MAP4K3: variants seen among roughly 807,000 people sequenced by gnomAD.
MAP4K3 encodes the protein MAPK/ERK kinase kinase kinase 3.
A neutral mutation model predicts 143.5 loss-of-function variants in MAP4K3; 94 were observed. The ratio of observed to expected loss-of-function variants is 0.65; its 90% confidence interval spans 0.55 to 0.78. The LOEUF is 0.78. MAP4K3 is among the 30% of genes least tolerant of loss of function. MAP4K3 has a pLI of 0.00. For missense variants in MAP4K3, 1,077 were observed against 1,068.1 expected (o/e 1.01, Z -0.12); for synonymous variants, 416 against 347.2 (o/e 1.20, Z -2.20).
At chr2:39,362,601 T>C (rs577966764) in intron 2 of MAP4K3, among the ~76,000 whole-genome samples, 4 of 152,200 alleles carry the variant, frequency 2.6e-5, no homozygotes, top group South Asian at 2.1e-4. Flanking sequence ...TGAAAGAGCA[T>C]TGTTAAAATG....
rs1268144363 is a variant in MAP4K3 at position 39,262,897 on chromosome 2, G to A, written c.2137-2120C>T. Among the ~76,000 whole-genome samples the A allele has an allele frequency of 5.3e-5, 8 of 152,184 alleles. No homozygotes were observed. The East Asian group carries it at 1.4e-3, about 26-fold the overall frequency. The stretch of plus-strand genomic sequence containing the variant: ...ACGCGGGTGGATCACCTGAGGTCAG[G>A]AGTTCGAGACCAGCCTAGCCAAGAT... On this transcript the variant is annotated intron_variant, in intron 28 of 33. Coordinates refer to ENST00000263881, the MANE Select transcript of MAP4K3 (RefSeq NM_003618.4).
chr2:39,335,929 C>T (rs1050932232), intron 6 of MAP4K3, among the ~76,000 whole-genome samples: 5 of 151,786 alleles, frequency 3.3e-5, no homozygotes. Flanking sequence ...CAGCCTCTAT[C>T]CTCAAAAAAG....
intron 1 of MAP4K3, chr2:39,436,533 C>T: frequency 4.1e-6 from 1 of 246,322 alleles, no homozygotes; most frequent in East Asian, 1.4e-4. Flanking sequence ...CAGACCCCTG[C>T]TGTCCGGTTC....
At chr2:39,416,694 T>C (rs1290765515) in intron 1 of MAP4K3, among the ~76,000 whole-genome samples, 1 of 152,232 alleles carries the variant, frequency 6.6e-6, no homozygotes, top group Non-Finnish European at 1.5e-5. Flanking sequence ...CCCTCTCATA[T>C]CCAGAAGGGT....
intron 13 of MAP4K3, among the ~76,000 whole-genome samples, chr2:39,314,314 G>A (rs1328612765): frequency 6.6e-6 from 1 of 152,188 alleles, no homozygotes; most frequent in East Asian, 1.9e-4. Context: ...ACAAGCATGA[G>A]CCACTGTACC....
intron 8 of MAP4K3, among the ~76,000 whole-genome samples, chr2:39,330,686 A>G (rs1683654046): frequency 6.6e-6 from 1 of 152,152 alleles, no homozygotes; most frequent in Non-Finnish European, 1.5e-5. Flanking sequence ...AAAAATCAGC[A>G]CTGACAGATA....
intron 32 of MAP4K3, among the ~76,000 whole-genome samples, chr2:39,252,128 G>C (rs1010195540): frequency 2.0e-5 from 3 of 152,278 alleles, no homozygotes; most frequent in Admixed American, 2.0e-4. Flanking sequence ...TAAATCATAA[G>C]ACTTCAAGGG....
At chr2:39,311,197 C>G (rs1241632088) in intron 13 of MAP4K3, among the ~76,000 whole-genome samples, 1 of 152,168 alleles carries the variant, frequency 6.6e-6, no homozygotes, top group African/African-American at 2.4e-5. Context: ...CGTGCCTCGA[C>G]CTCCTGAGTA....
intron 26 of MAP4K3, among the ~76,000 whole-genome samples, chr2:39,270,243 A>C (rs767070945): frequency 2.0e-5 from 3 of 152,354 alleles, no homozygotes; most frequent in Admixed American, 6.5e-5. Flanking sequence ...ACTTTTCAAA[A>C]TAAGAGTTGT....
chr2:39,395,282 T>C (rs955235229), intron 1 of MAP4K3, among the ~76,000 whole-genome samples: 2 of 151,758 alleles, frequency 1.3e-5, no homozygotes, highest in African/African-American at 4.8e-5. Flanking sequence ...TCTAAGCAAG[T>C]ACATAAAAAG....
At chr2:39,343,226 C>A (rs538772859) in intron 4 of MAP4K3, among the ~76,000 whole-genome samples, 162 bp downstream of exon 4, 2 of 152,286 alleles carry the variant, frequency 1.3e-5, no homozygotes, top group Admixed American at 6.5e-5. Context: ...AAAGACTCCT[C>A]CTTTCTTCCA....
intron 13 of MAP4K3, among the ~76,000 whole-genome samples, chr2:39,311,195 G>C (rs1024358810): frequency 6.6e-6 from 1 of 151,962 alleles, no homozygotes; most frequent in African/African-American, 2.4e-5. Flanking sequence ...CTCGTGCCTC[G>C]ACCTCCTGAG....
At chr2:39,411,141 G>A (rs1454281773) in intron 1 of MAP4K3, among the ~76,000 whole-genome samples, 1 of 152,168 alleles carries the variant, frequency 6.6e-6, no homozygotes, top group Non-Finnish European at 1.5e-5. Flanking sequence ...AATTTCCTGT[G>A]AGGACTGGGA....
chr2:39,358,652 A>C (rs574217475), intron 2 of MAP4K3, among the ~76,000 whole-genome samples: 18 of 152,364 alleles, frequency 1.2e-4, no homozygotes, highest in African/African-American at 4.1e-4. Flanking sequence ...AATTCAAAGA[A>C]AAATTCCACA....
At chr2:39,308,913 T>C (rs757987876) in intron 14 of MAP4K3, among the ~76,000 whole-genome samples, 1 of 151,512 alleles carries the variant, frequency 6.6e-6, no homozygotes, top group African/African-American at 2.4e-5. Context: ...GCATTTATCA[T>C]AAAAATAACA....
At chr2:39,252,411 A>C (rs1439869298) in intron 32 of MAP4K3, among the ~76,000 whole-genome samples, 2 of 152,278 alleles carry the variant, frequency 1.3e-5, no homozygotes, top group Non-Finnish European at 2.9e-5. Flanking sequence ...TCTACCATGC[A>C]GTAGAGCCCT....
intron 3 of MAP4K3, among the ~76,000 whole-genome samples, chr2:39,347,479 C>T (rs1454255976): frequency 6.6e-6 from 1 of 152,072 alleles, no homozygotes; most frequent in Admixed American, 6.6e-5. Context: ...CTGGGGTCTG[C>T]TTAGAATTAA....
intron 1 of MAP4K3, among the ~76,000 whole-genome samples, chr2:39,425,726 A>C (rs1287120255): frequency 6.6e-6 from 1 of 152,182 alleles, no homozygotes; most frequent in Admixed American, 6.5e-5. Flanking sequence ...GTCCTAGCTA[A>C]GATAAAATCC....
chr2:39,371,232 T>C (rs1467121747), intron 2 of MAP4K3, among the ~76,000 whole-genome samples: 2 of 152,198 alleles, frequency 1.3e-5, no homozygotes, highest in Non-Finnish European at 2.9e-5. Flanking sequence ...AGGTGAAATT[T>C]AAATGAAGTG....
Sources: allele counts gnomAD v4.1 joint callset (sites outside exome capture counted in the v4.1 genomes callset), GRCh38; gene constraint gnomAD v4.1.1; transcripts MANE v1.5; gene names NCBI Gene and HGNC (gene_info 2026-07-23, HGNC 2026-07-21).